The following DPYSL2 variants were observed in gnomAD, a reference collection of about 807,000 sequenced individuals.
The protein encoded by DPYSL2 is dihydropyrimidinase-related protein 2.
A neutral mutation model predicts 69.9 loss-of-function variants in DPYSL2; 13 were observed. The ratio of observed to expected loss-of-function variants is 0.19; its 90% CI spans 0.12 to 0.30. DPYSL2 has a LOEUF of 0.30. Among genes scored for constraint, DPYSL2 ranks in the 10% least tolerant of loss-of-function variants. DPYSL2 has a pLI of 1.00. For synonymous variants in DPYSL2, 326 were observed against 359.1 expected, an observed-to-expected ratio of 0.91 and a Z score of 1.04; for missense variants, 587 against 918.9, an observed-to-expected ratio of 0.64 and a Z score of 4.67.
intron 1 of DPYSL2, among the ~76,000 whole-genome samples, chr8:26,539,146 T>C (rs1471124210): frequency 6.6e-6 from 1 of 152,224 alleles, no homozygotes. Context: ...TTTAACATAT[T>C]TTAGGCATTA....
chr8:26,565,498 T>C lies in DPYSL2; in HGVS notation c.355-16471T>C, dbSNP rs1393884767. ...ACATCTTGATGATGTGGTTAGGGGA[T>C]GAGGGCTCAGATAGCCCTTGGAGTG... On this transcript the variant is annotated intron_variant, in intron 1 of 13. Transcript: ENST00000521913. The surrounding 1 kb of genome is among the most constrained non-coding windows in gnomAD (Gnocchi z 4.1). 6.6e-6 allele frequency among the ~76,000 whole-genome samples: 1 copy of C among 152,122 alleles called. No individual in the cohort carries two copies. Among genetic ancestry groups the C allele is most frequent in the African/African-American group, 2.4e-5 (1 of 41,432 alleles).
chr8:26,535,249 T>C (rs1800571947), intron 1 of DPYSL2, among the ~76,000 whole-genome samples: 1 of 152,124 alleles, frequency 6.6e-6, no homozygotes, highest in Non-Finnish European at 1.5e-5. Context: ...GGGAACTAAC[T>C]GCAGTGTGAG....
At chr8:26,563,491 C>G (rs1455233161) in intron 1 of DPYSL2, among the ~76,000 whole-genome samples, 1 of 152,202 alleles carries the variant, frequency 6.6e-6, no homozygotes, top group Admixed American at 6.5e-5. Context: ...CTGCTACTTC[C>G]TCCAGAGGCT....
chr8:26,646,905 C>G (rs1803176027), intron 10 of DPYSL2, among the ~76,000 whole-genome samples: 1 of 151,924 alleles, frequency 6.6e-6, no homozygotes, highest in African/African-American at 2.4e-5. Flanking sequence ...ATTGCTTGAG[C>G]CTGAGAGGCC....
At chr8:26,651,705 A>T (rs1027793766) in intron 11 of DPYSL2, among the ~76,000 whole-genome samples, 1 of 152,240 alleles carries the variant, frequency 6.6e-6, no homozygotes, top group African/African-American at 2.4e-5. Flanking sequence ...ATAGCTACAT[A>T]GCTACATTGT....
chr8:26,633,634 A>AT (rs1318270427), intron 7 of DPYSL2, among the ~76,000 whole-genome samples: 491 of 145,740 alleles, frequency 3.4e-3, no homozygotes, highest in African/African-American at 5.5e-3. Context: ...TGCCTGGCTA[A>AT]TTTTTTTTTT....
intron 3 of DPYSL2, among the ~76,000 whole-genome samples, chr8:26,589,581 C>T (rs62491912): frequency 0.028 from 4,323 of 152,288 alleles, 92 homozygotes; most frequent in Middle Eastern, 0.071. Flanking sequence ...CTGTGTTCAC[C>T]CTGATGGAAG....
At chr8:26,651,881 T>G (rs1001170669) in intron 11 of DPYSL2, among the ~76,000 whole-genome samples, 1 of 152,162 alleles carries the variant, frequency 6.6e-6, no homozygotes, top group Non-Finnish European at 1.5e-5. Context: ...AAGATTAAAT[T>G]TAGAACTTGG....
intron 3 of DPYSL2, among the ~76,000 whole-genome samples, chr8:26,584,717 T>A (rs1213796737): frequency 6.6e-6 from 1 of 150,902 alleles, no homozygotes; most frequent in Non-Finnish European, 1.5e-5. Flanking sequence ...CCTCCCCGGT[T>A]CAAGTGATTC....
In DPYSL2 at chr8:26,653,519, A is replaced by G; in HGVS notation, c.1942+122A>G. ...GTGAATGATATTCCCTTTCTCTCCAACGTGAGAAATACAGTGGACTCAGAT... is the reference window on the plus strand; with the variant it reads ...GTGAATGATATTCCCTTTCTCTCCAGCGTGAGAAATACAGTGGACTCAGAT... On this transcript the variant is annotated intron_variant, in intron 13 of 13. Coordinates refer to ENST00000521913, the MANE Select transcript of DPYSL2 (RefSeq NM_001197293.3). The surrounding 1 kb of genome is among the most constrained non-coding windows in gnomAD (Gnocchi z 5.7). 1 of 1,073,108 alleles carries G rather than the reference A, an allele frequency of 9.3e-7. No individual in the cohort carries two copies. Among genetic ancestry groups the G allele is most frequent in the Non-Finnish European group, 1.3e-6 (1 of 741,628 alleles). The allele number at this position is 1,073,108 out of a possible 1,614,324, so 66.5% of individuals were successfully genotyped here.
chr8:26,603,478 CTTT>C (rs1802040351), intron 3 of DPYSL2, among the ~76,000 whole-genome samples: 1 of 152,154 alleles, frequency 6.6e-6, no homozygotes, highest in African/African-American at 2.4e-5. Flanking sequence ...GCTCTTTCTT[CTTT>C]ATTTTATAGT....
At chr8:26,616,364 C>G (rs920840162) in intron 3 of DPYSL2, among the ~76,000 whole-genome samples, 3 of 152,176 alleles carry the variant, frequency 2.0e-5, no homozygotes, top group African/African-American at 7.2e-5. Flanking sequence ...ATGAGGTCAC[C>G]TGGCATTTTG....
At chr8:26,616,257 C>CT (rs35446474) in intron 3 of DPYSL2, among the ~76,000 whole-genome samples, 5 of 152,038 alleles carry the variant, frequency 3.3e-5, no homozygotes, top group South Asian at 2.1e-4. Flanking sequence ...CTTTTATGCC[C>CT]TTTTTTTCAG....
chr8:26,617,542 T>G lies in DPYSL2; in HGVS notation c.629-6601T>G, dbSNP rs1802382361. Among the ~76,000 whole-genome samples, 1 of 152,138 alleles carries G rather than the reference T, an allele frequency of 6.6e-6. No individual in the cohort carries two copies. Among genetic ancestry groups the G allele is most frequent in the Non-Finnish European group, 1.5e-5 (1 of 68,028 alleles). Reference sequence around the variant, plus strand: ...AAAAAAAAATTAAAAGTAGGGTCATTTAAATATGGCAAACTCCAAACGGGT... The same window carrying G: ...AAAAAAAAATTAAAAGTAGGGTCATGTAAATATGGCAAACTCCAAACGGGT... On this transcript the variant is annotated intron_variant, in intron 3 of 13. Transcript: ENST00000521913. The surrounding 1 kb of genome is among the most constrained non-coding windows in gnomAD (Gnocchi z 4.7).
chr8:26,645,291 C>T (rs944935655), intron 10 of DPYSL2, among the ~76,000 whole-genome samples: 4 of 152,018 alleles, frequency 2.6e-5, no homozygotes, highest in South Asian at 2.1e-4. Flanking sequence ...CCCAGCTACT[C>T]GGTGTGGGGG....
rs929029006 is a variant in DPYSL2, at chr8:26,605,328, C to A, written c.629-18815C>A. 6.6e-6 allele frequency among the ~76,000 whole-genome samples: 1 copy of A among 151,820 alleles called. No homozygotes were observed. The highest frequency in any genetic ancestry group is 2.4e-5 in the African/African-American group (1 of 41,326). On this transcript the variant is annotated intron_variant, in intron 3 of 13. Coordinates refer to ENST00000521913, the MANE Select transcript of DPYSL2 (RefSeq NM_001197293.3). The surrounding 1 kb of genome is among the most constrained non-coding windows in gnomAD (Gnocchi z 4.1). ...ATTATTACTATTTTTTTTTATTGCC[C>A]AGGCTGGAGTGCAGTGGTGTGAACT...
At chr8:26,633,467 G>A (rs144974553) in intron 7 of DPYSL2, among the ~76,000 whole-genome samples, 155 of 152,204 alleles carry the variant, frequency 1.0e-3, no homozygotes, top group African/African-American at 3.5e-3. Context: ...CTGAACATCC[G>A]ATGTATTTAT....
rs1801794797 is a variant in DPYSL2 at position 26,593,759 on chromosome 8, T to C, written c.628+9776T>C. 6.6e-6 allele frequency among the ~76,000 whole-genome samples: 1 copy of C among 152,180 alleles called. No individual in the cohort carries two copies. Among genetic ancestry groups the C allele is most frequent in the Non-Finnish European group, 1.5e-5 (1 of 68,016 alleles). On this transcript the variant is annotated intron_variant, in intron 3 of 13. Coordinates refer to ENST00000521913, the MANE Select transcript of DPYSL2 (RefSeq NM_001197293.3). This position sits in a 1 kb window ranked among gnomAD's most constrained non-coding sequence, Gnocchi z 5.7. ...GTGGGTGCCGGGGGCAGAGGGGAAC[T>C]GGAATGTGGACTGCTGTCCCCAGCC...
At chr8:26,566,855 C>A (rs1204605339) in intron 1 of DPYSL2, among the ~76,000 whole-genome samples, 1 of 152,100 alleles carries the variant, frequency 6.6e-6, no homozygotes, top group Non-Finnish European at 1.5e-5. Flanking sequence ...CACCCGCCTA[C>A]CCACCCATCT....
Sources: gnomAD v4.1 joint callset for allele counts (sites outside exome capture counted in the v4.1 genomes callset) on GRCh38, gnomAD v4.1.1 for gene constraint, Gnocchi (gnomAD v3.1) non-coding constraint, MANE v1.5 for transcripts, NCBI Gene and HGNC (gene_info 2026-07-23, HGNC 2026-07-21) for gene names.